Variants in SCFD2 observed in about 807,000 individuals in gnomAD.
SCFD2 encodes the protein sec1 family domain containing 2.
SCFD2 carries 54 observed loss-of-function variants against 58.9 expected under a neutral mutation model. The observed-to-expected ratio is 0.92, with a 90% CI of 0.74 to 1.15. The LOEUF (loss-of-function observed/expected upper bound fraction) is 1.15, where lower values mean the gene tolerates loss of function less well. Among genes scored for constraint, SCFD2 ranks in the 50% most tolerant of loss-of-function variants. The pLI, the probability that SCFD2 is intolerant of heterozygous loss-of-function variation, is 0.00. For missense variants in SCFD2, 805 were observed against 836.6 expected (o/e 0.96, Z 0.47); for synonymous variants, 321 against 335.9 (o/e 0.96, Z 0.49).
chr4:53,098,259 T>C (rs182590573), intron 5 of SCFD2, among the ~76,000 whole-genome samples: 1,735 of 152,322 alleles, frequency 0.011, 18 homozygotes, highest in Middle Eastern at 0.034. Context: ...TTCCCTCTTT[T>C]TCTATTGATT....
At chr4:52,920,569 C>A (rs560569743) in intron 6 of SCFD2, among the ~76,000 whole-genome samples, 156 bp downstream of exon 6, 93 of 152,260 alleles carry the variant, frequency 6.1e-4, no homozygotes, top group Non-Finnish European at 1.2e-3. Flanking sequence ...TTTCAGATTC[C>A]GTGGGACCCA....
At chr4:52,877,926 C>G (rs955539884) in intron 8 of SCFD2, among the ~76,000 whole-genome samples, 1 of 152,228 alleles carries the variant, frequency 6.6e-6, no homozygotes, top group African/African-American at 2.4e-5. Context: ...CTCCACACCC[C>G]CAAATCAGTC....
intron 5 of SCFD2, among the ~76,000 whole-genome samples, chr4:53,044,465 T>C (rs559265497): frequency 2.0e-5 from 3 of 150,520 alleles, no homozygotes; most frequent in Non-Finnish European, 4.4e-5. Context: ...AGACACTTTT[T>C]GGGGTTCCAC....
chr4:52,998,247 T>G (rs527239413), intron 5 of SCFD2, among the ~76,000 whole-genome samples: 219 of 152,300 alleles, frequency 1.4e-3, no homozygotes, highest in African/African-American at 5.2e-3. Context: ...CTCAGTAAAG[T>G]CCTACTATGT....
In SCFD2 at chr4:52,927,227, C is replaced by T. The variant is rs904373489; in HGVS notation, c.1562-6357G>A. Among the ~76,000 whole-genome samples, 4 of 152,188 alleles carry T rather than the reference C, an allele frequency of 2.6e-5. No homozygotes were observed. In the East Asian group the frequency reaches 7.7e-4, roughly 29 times the overall value. On this transcript the variant is annotated intron_variant, in intron 5 of 8. Coordinates refer to ENST00000401642, the MANE Select transcript of SCFD2 (RefSeq NM_152540.4). ...ATCCACACCTCCATATGTATAAGTA[C>T]ATATTCATATATGTAATCTTTAAAT...
At chr4:53,138,927 G>A (rs28485254) in intron 5 of SCFD2, among the ~76,000 whole-genome samples, 2,975 of 149,798 alleles carry the variant, frequency 0.02, 111 homozygotes, top group African/African-American at 0.07. Flanking sequence ...CCCAGCCGAG[G>A]CTGGACTGTA....
chr4:53,255,703 G>A (rs1730587646), intron 4 of SCFD2, among the ~76,000 whole-genome samples: 1 of 152,170 alleles, frequency 6.6e-6, no homozygotes, highest in South Asian at 2.1e-4. Flanking sequence ...TTGTCATCAT[G>A]GCCCGTTCTC....
chr4:52,876,024 C>T (rs1000937907), intron 8 of SCFD2, among the ~76,000 whole-genome samples: 5 of 151,562 alleles, frequency 3.3e-5, no homozygotes, highest in African/African-American at 1.2e-4. Flanking sequence ...GTGTGTCTCC[C>T]GAGAGGGTCT....
chr4:52,877,298 C>A (rs982383377), intron 8 of SCFD2, among the ~76,000 whole-genome samples: 3 of 152,042 alleles, frequency 2.0e-5, no homozygotes, highest in Non-Finnish European at 4.4e-5. Flanking sequence ...CTGTCTGGGG[C>A]CTGCTCTGTG....
intron 4 of SCFD2, among the ~76,000 whole-genome samples, chr4:53,241,625 C>T (rs777411576): frequency 6.6e-6 from 1 of 152,238 alleles, no homozygotes; most frequent in Non-Finnish European, 1.5e-5. Flanking sequence ...TGCTGGCACA[C>T]ACCCTGCACA....
At chr4:52,993,890 G>A (rs1394953556) in intron 5 of SCFD2, among the ~76,000 whole-genome samples, 1 of 152,248 alleles carries the variant, frequency 6.6e-6, no homozygotes, top group Non-Finnish European at 1.5e-5. Context: ...AGATATTGGG[G>A]TTGTCAAAAC....
intron 2 of SCFD2, among the ~76,000 whole-genome samples, chr4:53,348,407 G>T (rs1401700415): frequency 6.6e-6 from 1 of 152,096 alleles, no homozygotes; most frequent in Admixed American, 6.6e-5. Context: ...AGGTTTGGTC[G>T]AAGGTAGTAG....
intron 4 of SCFD2, among the ~76,000 whole-genome samples, chr4:53,250,734 C>T (rs1471839423): frequency 1.3e-5 from 2 of 152,214 alleles, no homozygotes; most frequent in East Asian, 3.8e-4. Flanking sequence ...CTCTGGGACA[C>T]ATTCAAAGCA....
At chr4:52,902,773 C>T (rs543534521) in intron 7 of SCFD2, among the ~76,000 whole-genome samples, 1 of 152,306 alleles carries the variant, frequency 6.6e-6, no homozygotes, top group East Asian at 1.9e-4. Flanking sequence ...CACTTAGGCA[C>T]AAAGATGTGC....
intron 5 of SCFD2, among the ~76,000 whole-genome samples, chr4:53,075,970 C>A (rs1162958331): frequency 1.3e-5 from 2 of 152,136 alleles, no homozygotes; most frequent in African/African-American, 4.8e-5. Flanking sequence ...CAAAACCATA[C>A]AAAAAATGCA....
intron 3 of SCFD2, among the ~76,000 whole-genome samples, chr4:53,283,792 A>T (rs1731577510): frequency 2.0e-5 from 3 of 151,650 alleles, no homozygotes; most frequent in Admixed American, 6.6e-5. Flanking sequence ...GTCCAGTTAC[A>T]TTTGCTTTAC....
intron 4 of SCFD2, among the ~76,000 whole-genome samples, chr4:53,151,558 T>C (rs1726506472): frequency 1.3e-5 from 2 of 152,192 alleles, no homozygotes; most frequent in Admixed American, 1.3e-4. Context: ...TTGGCAGGCA[T>C]GAGGAGCAAA....
intron 2 of SCFD2, among the ~76,000 whole-genome samples, chr4:53,330,702 A>G (rs893738430): frequency 9.2e-5 from 14 of 152,146 alleles, no homozygotes; most frequent in African/African-American, 2.7e-4. Flanking sequence ...GAGCAAAATC[A>G]CCAGCTAACA....
intron 2 of SCFD2, among the ~76,000 whole-genome samples, chr4:53,329,710 A>T (rs1000344689): frequency 2.0e-5 from 3 of 152,222 alleles, no homozygotes; most frequent in Non-Finnish European, 4.4e-5. Context: ...AAAGGAACGC[A>T]GTTCCTCACC....
Sources: allele counts gnomAD v4.1 joint callset (sites outside exome capture counted in the v4.1 genomes callset), GRCh38; gene constraint gnomAD v4.1.1; transcripts MANE v1.5; gene names NCBI Gene and HGNC (gene_info 2026-07-23, HGNC 2026-07-21).